The following TIAM2 variants were observed in gnomAD, a reference collection of about 807,000 sequenced individuals.
TIAM2 encodes the protein rho guanine nucleotide exchange factor TIAM2.
Under a neutral mutation model 152.9 loss-of-function variants are expected in TIAM2, and 80 were observed. The observed-to-expected ratio is 0.52, with a 90% CI of 0.44 to 0.63. The LOEUF (loss-of-function observed/expected upper bound fraction) is 0.63, where lower values mean the gene tolerates loss of function less well. Ranked by LOEUF, TIAM2 falls within the 30% of genes least tolerant of loss-of-function variation. The probability of loss-of-function intolerance (pLI) is 0.00; values close to 1 mark genes in which losing one functional copy is unlikely to be tolerated. For missense variants in TIAM2, 1,965 were observed against 2,120.1 expected (o/e 0.93, Z 1.44); for synonymous variants, 804 against 838.0 (o/e 0.96, Z 0.70).
intron 6 of TIAM2, among the ~76,000 whole-genome samples, chr6:155,146,315 A>G (rs1193392356): frequency 6.6e-6 from 1 of 152,180 alleles, no homozygotes; most frequent in Non-Finnish European, 1.5e-5. Flanking sequence ...CAGGAGGTCA[A>G]GGTTACAATG....
rs1212954021 is a variant in TIAM2 at position 155,114,014 on chromosome 6, T to TTATATATATATATATATATA, written c.-117-13472_-117-13453dup. Among the ~76,000 whole-genome samples, 24 of 58,840 alleles carry TTATATATATATATATATATA rather than the reference T, an allele frequency of 4.1e-4. 1 individual carries two copies. Among genetic ancestry groups the TTATATATATATATATATATA allele is most frequent in the African/African-American group, 4.7e-4 (7 of 14,878 alleles). 38.6% of individuals were successfully genotyped at this position (58,840 alleles called of 152,430 possible). A position where few individuals can be genotyped will look rare whatever the true frequency, so the allele number is the denominator to read the frequency against. On this transcript the variant is annotated intron_variant, in intron 2 of 26. Coordinates refer to ENST00000682666, the MANE Select transcript of TIAM2 (RefSeq NM_012454.4). ...AAAAATGTAAATTTTATACTTTACT[T>TTATATATATATATATATATA]TATATATATATATATATATATATTT... is the stretch of plus-strand genomic sequence containing the variant.
At chr6:155,050,548 G>T (rs118032839) in intron 1 of TIAM2, among the ~76,000 whole-genome samples, 1 of 152,186 alleles carries the variant, frequency 6.6e-6, no homozygotes, top group Non-Finnish European at 1.5e-5. Context: ...GCTCTCAGGA[G>T]CCTGAGCTCC....
intron 23 of TIAM2, among the ~76,000 whole-genome samples, chr6:155,252,549 A>G (rs1006747570): frequency 6.6e-6 from 1 of 152,176 alleles, no homozygotes; most frequent in African/African-American, 2.4e-5. Flanking sequence ...TATCCCTGAA[A>G]ATGGCCCATG....
chr6:155,218,719 A>G lies in TIAM2; in HGVS notation c.3168+7412A>G, dbSNP rs148175511. Among the ~76,000 whole-genome samples, 1,428 of 152,292 alleles carry G rather than the reference A, an allele frequency of 9.4e-3. 9 individuals carry two copies. The highest frequency in any genetic ancestry group is 0.016 in the Non-Finnish European group (1,069 of 68,026). Reference sequence around the variant, plus strand: ...TAATGGCCTCTTGAGCTGAGATTCGATGTCAGGTAGGAAACTGAACAAATA... The same window carrying G: ...TAATGGCCTCTTGAGCTGAGATTCGGTGTCAGGTAGGAAACTGAACAAATA... On this transcript the variant is annotated intron_variant, in intron 15 of 26. Coordinates refer to ENST00000682666, the MANE Select transcript of TIAM2 (RefSeq NM_012454.4). This position sits in a 1 kb window ranked among gnomAD's most constrained non-coding sequence, Gnocchi z 4.5.
At chr6:155,147,944 C>A (rs929781732) in intron 6 of TIAM2, among the ~76,000 whole-genome samples, 166 bp from the exon 7 acceptor site, 1 of 152,200 alleles carries the variant, frequency 6.6e-6, no homozygotes, top group African/African-American at 2.4e-5. Context: ...TTCTCTGAGT[C>A]CCTCTGAACC....
chr6:155,190,080 T>C (rs146791760), intron 14 of TIAM2, among the ~76,000 whole-genome samples: 2 of 152,356 alleles, frequency 1.3e-5, no homozygotes, highest in East Asian at 3.9e-4. Context: ...TATCGTTGCA[T>C]GTATCTGAAA....
intron 14 of TIAM2, among the ~76,000 whole-genome samples, chr6:155,208,080 A>T (rs1253205794): frequency 6.6e-6 from 1 of 152,076 alleles, no homozygotes. Flanking sequence ...TATCCCTAGT[A>T]CTTAGAACAT....
chr6:155,013,203 G>T (rs1455280006), intron 1 of TIAM2, among the ~76,000 whole-genome samples: 5 of 147,812 alleles, frequency 3.4e-5, no homozygotes, highest in African/African-American at 7.4e-5. Context: ...TGAGGTTTGG[G>T]GTCTACAGCT....
At chr6:155,240,833 T>A (rs1187472033) in intron 16 of TIAM2, 124 bp downstream of exon 16, 1 of 971,850 alleles carries the variant, frequency 1.0e-6, no homozygotes, top group East Asian at 2.6e-5. Flanking sequence ...GGACACCTGC[T>A]CCTTGAATCA....
chr6:155,251,885 GT>G (rs1399269101), intron 22 of TIAM2, 59 bp from the exon 23 acceptor site: 6 of 1,381,418 alleles, frequency 4.3e-6, no homozygotes, highest in Non-Finnish European at 5.1e-6. Context: ...TTCAGCTCTA[GT>G]TTAACCTTGG....
intron 5 of TIAM2, among the ~76,000 whole-genome samples, chr6:155,142,426 T>C (rs761327535): frequency 6.6e-6 from 1 of 152,220 alleles, no homozygotes; most frequent in African/African-American, 2.4e-5. Flanking sequence ...TCATTTCCTC[T>C]AGATGCCACG....
At chr6:155,167,672 A>G (rs1031051434) in intron 9 of TIAM2, among the ~76,000 whole-genome samples, 6 of 152,068 alleles carry the variant, frequency 3.9e-5, no homozygotes, top group African/African-American at 1.4e-4. Flanking sequence ...GTTTTTGTAG[A>G]AATGGGGATG....
At chr6:155,055,075 C>G (rs1030439112) in intron 1 of TIAM2, among the ~76,000 whole-genome samples, 1 of 152,102 alleles carries the variant, frequency 6.6e-6, no homozygotes, top group African/African-American at 2.4e-5. Flanking sequence ...GGAGCCATTT[C>G]CTTCACTTGG....
At chr6:155,106,092 C>T (rs1009964329) in intron 2 of TIAM2, among the ~76,000 whole-genome samples, 5 of 151,610 alleles carry the variant, frequency 3.3e-5, no homozygotes, top group East Asian at 1.9e-4. Flanking sequence ...GCAACCTCTG[C>T]CCCCTGGGTT....
chr6:155,076,838 T>C (rs900061298), intron 1 of TIAM2, among the ~76,000 whole-genome samples: 3 of 152,120 alleles, frequency 2.0e-5, no homozygotes, highest in Admixed American at 1.3e-4. Context: ...TGGGATTACA[T>C]GCGTGTACCG....
chr6:155,104,756 C>CGAA (rs539579868), intron 2 of TIAM2, among the ~76,000 whole-genome samples: 104 of 134,206 alleles, frequency 7.7e-4, no homozygotes, highest in African/African-American at 2.8e-3. Flanking sequence ...GACTCTGTCT[C>CGAA]AAAAAAAAAA....
At chr6:155,188,525 C>G (rs1484005903) in intron 14 of TIAM2, among the ~76,000 whole-genome samples, 1 of 152,220 alleles carries the variant, frequency 6.6e-6, no homozygotes, top group Admixed American at 6.5e-5. Context: ...GAAATATCAT[C>G]TGTAAAAACT....
At chr6:155,152,771 A>G (rs762351245) in intron 7 of TIAM2, among the ~76,000 whole-genome samples, 7 of 151,950 alleles carry the variant, frequency 4.6e-5, no homozygotes, top group Non-Finnish European at 7.4e-5. Context: ...GAAAAGGGAC[A>G]TTTGGCAACA....
Position 155,213,923 on chromosome 6 carries a change from G to A in TIAM2, c.3168+2616G>A, listed in dbSNP as rs146207815. Among the ~76,000 whole-genome samples, 983 of 152,366 alleles carry A rather than the reference G, an allele frequency of 6.5e-3. 13 individuals carry two copies. Among genetic ancestry groups the A allele is most frequent in the African/African-American group, 0.023 (937 of 41,590 alleles). On this transcript the variant is annotated intron_variant, in intron 15 of 26. Coordinates refer to ENST00000682666, the MANE Select transcript of TIAM2 (RefSeq NM_012454.4). This position sits in a 1 kb window ranked among gnomAD's most constrained non-coding sequence, Gnocchi z 4.2. ...GGGCACCAGGAGTAGGGAGAAACCAGGCAGTGGGAGCAGGCTACTTTCGAG... is the reference window on the plus strand; with the variant it reads ...GGGCACCAGGAGTAGGGAGAAACCAAGCAGTGGGAGCAGGCTACTTTCGAG...
Sources: gnomAD v4.1 joint callset for allele counts (sites outside exome capture counted in the v4.1 genomes callset) on GRCh38, gnomAD v4.1.1 for gene constraint, Gnocchi (gnomAD v3.1) non-coding constraint, MANE v1.5 for transcripts, NCBI Gene and HGNC (gene_info 2026-07-23, HGNC 2026-07-21) for gene names.